Variants in YPEL1 observed in about 807,000 individuals in gnomAD.
YPEL1 encodes yippee like 1.
A neutral mutation model predicts 17.3 loss-of-function variants in YPEL1; 7 were observed. The ratio of observed to expected loss-of-function variants is 0.40; its 90% CI spans 0.23 to 0.76. The LOEUF (loss-of-function observed/expected upper bound fraction) is 0.76. Ranked by LOEUF, YPEL1 falls within the 30% of genes least tolerant of loss-of-function variation. The pLI is 0.35. For synonymous variants in YPEL1, 59 were observed against 59.6 expected (o/e 0.99, Z 0.05); for missense variants, 91 against 155.5 (o/e 0.59, Z 2.21).
chr22:21,725,295 A>G lies in YPEL1; in HGVS notation c.-165+10320T>C, dbSNP rs540256873. ...AGTGCAGTGGTGCAATCTCGGCTCAATGCAAGCTCCATCTCCCGGGTTCAT... is the reference window on the plus strand; with the variant it reads ...AGTGCAGTGGTGCAATCTCGGCTCAGTGCAAGCTCCATCTCCCGGGTTCAT... On this transcript the variant is annotated intron_variant, in intron 1 of 4. Coordinates refer to ENST00000339468, the MANE Select transcript of YPEL1 (RefSeq NM_013313.5). Among the ~76,000 whole-genome samples the G allele has an allele frequency of 4.5e-5, 6 of 132,208 alleles. No homozygotes were observed. The East Asian group carries it at 1.4e-3, about 31-fold the overall frequency. 86.7% of individuals were successfully genotyped at this position (132,208 alleles called of 152,430 possible).
intron 2 of YPEL1, among the ~76,000 whole-genome samples, chr22:21,704,834 CCT>C (rs934090508): frequency 1.3e-5 from 2 of 152,126 alleles, no homozygotes; most frequent in Admixed American, 6.6e-5. Flanking sequence ...ATCTGCACCC[CCT>C]GATGCACTTG....
At chr22:21,713,428 C>T (rs2068190359) in intron 1 of YPEL1, among the ~76,000 whole-genome samples, 1 of 152,164 alleles carries the variant, frequency 6.6e-6, no homozygotes, top group Non-Finnish European at 1.5e-5. Context: ...GGAATGTTAT[C>T]CAGCCTTTAA....
chr22:21,724,046 T>C (rs977037889), intron 1 of YPEL1, among the ~76,000 whole-genome samples: 4 of 152,096 alleles, frequency 2.6e-5, no homozygotes, highest in African/African-American at 7.2e-5. Flanking sequence ...GTACGTACCA[T>C]GTATGTCTTG....
chr22:21,728,135 C>A (rs1412170039), intron 1 of YPEL1, among the ~76,000 whole-genome samples: 1 of 152,166 alleles, frequency 6.6e-6, no homozygotes, highest in Non-Finnish European at 1.5e-5. Context: ...TCATGGTCCA[C>A]CTCTTTAGGG....
intron 1 of YPEL1, among the ~76,000 whole-genome samples, chr22:21,733,427 A>G (rs1374362056): frequency 2.0e-5 from 3 of 150,632 alleles, no homozygotes; most frequent in African/African-American, 7.4e-5. Context: ...CAAAAAATAA[A>G]CAAATAAAGT....
At chr22:21,734,724 G>T (rs573643543) in intron 1 of YPEL1, among the ~76,000 whole-genome samples, 1 of 152,300 alleles carries the variant, frequency 6.6e-6, no homozygotes, top group East Asian at 1.9e-4. Context: ...CTGGCACCTG[G>T]CAGGGGCTCA....
chr22:21,703,465 A>G lies in YPEL1; in HGVS notation c.175T>C (p.Cys59Arg). The G allele has an allele frequency of 3.7e-6, 6 of 1,610,270 alleles. No individual in the cohort carries two copies. The highest frequency in any genetic ancestry group is 5.1e-6 in the Non-Finnish European group (6 of 1,179,882). Reference protein sequence around the residue: ...YLFNSVVNVGCGPAEERVLLT... With the variant: ...YLFNSVVNVGRGPAEERVLLT... Reference sequence around the variant, plus strand: ...AGGACCCTCTCCTCTGCAGGGCCGCAGCCCACGTTCACCCTGCGGGGACAG... The same window carrying G: ...AGGACCCTCTCCTCTGCAGGGCCGCGGCCCACGTTCACCCTGCGGGGACAG... The change falls in exon 4 of 5, where the codon TGC (cysteine) becomes CGC (arginine). Residue 59 changes from cysteine (C) to arginine (R), a missense_variant. Coordinates refer to ENST00000339468, the MANE Select transcript of YPEL1 (RefSeq NM_013313.5). The surrounding 1 kb of genome is among the most constrained non-coding windows in gnomAD (Gnocchi z 6.1).
chr22:21,721,903 T>A (rs2068287591), intron 1 of YPEL1, among the ~76,000 whole-genome samples: 1 of 152,194 alleles, frequency 6.6e-6, no homozygotes, highest in South Asian at 2.1e-4. Flanking sequence ...CCCTGGCAGC[T>A]ACCATCCTGA....
At chr22:21,734,569 C>T (rs1354256558) in intron 1 of YPEL1, among the ~76,000 whole-genome samples, 1 of 152,130 alleles carries the variant, frequency 6.6e-6, no homozygotes, top group African/African-American at 2.4e-5. Context: ...GAGACTCTAC[C>T]CTGTAGGGCC....
At chr22:21,719,007 G>A (rs775218792) in intron 1 of YPEL1, among the ~76,000 whole-genome samples, 8 of 152,096 alleles carry the variant, frequency 5.3e-5, no homozygotes, top group East Asian at 1.9e-4. Flanking sequence ...CACATTTAGC[G>A]TTAACACAGT....
At chr22:21,733,310 G>C (rs540036233) in intron 1 of YPEL1, among the ~76,000 whole-genome samples, 1 of 151,912 alleles carries the variant, frequency 6.6e-6, no homozygotes, top group South Asian at 2.1e-4. Context: ...CCAGCTACTC[G>C]GGAGGCTGAG....
intron 1 of YPEL1, among the ~76,000 whole-genome samples, chr22:21,733,555 T>C (rs2068408897): frequency 6.6e-6 from 1 of 152,036 alleles, no homozygotes; most frequent in South Asian, 2.1e-4. Context: ...AGTGAGATCC[T>C]GTCTCTACAG....
At position 21,721,493 on chromosome 22, in the gene YPEL1, G is replaced by A. The variant is rs528145415; in HGVS notation, c.-164-10585C>T. On this transcript the variant is annotated intron_variant, in intron 1 of 4. Coordinates refer to ENST00000339468, the MANE Select transcript of YPEL1 (RefSeq NM_013313.5). ...GGCTGGAGTACAGTGGCGTGATCTT[G>A]GCTCACTGCAACCTCCACCTCCTGG... Among the ~76,000 whole-genome samples, 147 of 148,442 alleles carry A rather than the reference G, an allele frequency of 9.9e-4. 1 individual carries two copies. The highest frequency in any genetic ancestry group is 3.4e-3 in the African/African-American group (135 of 39,612).
In YPEL1 at chr22:21,700,676, T is replaced by C. The variant is rs2148592831; in HGVS notation, c.*453A>G. 6.5e-6 allele frequency: 1 copy of C among 154,722 alleles called. No homozygotes were observed. The highest frequency in any genetic ancestry group is 2.0e-4 in the South Asian group (1 of 4,956). 9.6% of individuals were successfully genotyped at this position (154,722 alleles called of 1,614,324 possible). On this transcript the variant is annotated 3_prime_UTR_variant, in exon 5 of 5. Transcript: ENST00000339468. Reference sequence around the variant, plus strand: ...TTTTAGTAGAGATGGGGTTTCACCATGTTGGCCAGGCTGATCTAGAACTCC... The same window carrying C: ...TTTTAGTAGAGATGGGGTTTCACCACGTTGGCCAGGCTGATCTAGAACTCC...
Position 21,699,332 on chromosome 22 carries a change from C to T in YPEL1, c.*1797G>A, listed in dbSNP as rs78285452. Reference sequence around the variant, plus strand: ...CTCAGTGCTCTCCTATCTGCTGCCCCTCGGTCCCCCTGCCTGCCCTCTGCC... The same window carrying T: ...CTCAGTGCTCTCCTATCTGCTGCCCTTCGGTCCCCCTGCCTGCCCTCTGCC... On this transcript the variant is annotated 3_prime_UTR_variant, in exon 5 of 5. Coordinates refer to ENST00000339468, the MANE Select transcript of YPEL1 (RefSeq NM_013313.5). The T allele has an allele frequency of 7.0e-3, 1,064 of 152,860 alleles. 4 individuals are homozygous for T. The highest frequency in any genetic ancestry group is 0.015 in the Admixed American group (235 of 15,298). 9.5% of individuals were successfully genotyped at this position (152,860 alleles called of 1,614,324 possible).
At chr22:21,713,665 C>A (rs1163383194) in intron 1 of YPEL1, among the ~76,000 whole-genome samples, 1 of 152,050 alleles carries the variant, frequency 6.6e-6, no homozygotes, top group African/African-American at 2.4e-5. Flanking sequence ...GATGGCTGTA[C>A]AAAAATGTGA....
At position 21,703,799 on chromosome 22, in the gene YPEL1, G is replaced by A. The variant is rs752835511; in HGVS notation, c.161+40C>T. On this transcript the variant is annotated intron_variant, in intron 3 of 4. Transcript: ENST00000339468. The surrounding 1 kb of genome is among the most constrained non-coding windows in gnomAD (Gnocchi z 6.1). The stretch of plus-strand genomic sequence containing the variant: ...GTAGGTGCCATCCAGGCCGTCCCAG[G>A]GCCCGTGCCGCTCCCCCCGGGCTGA... 1 of 1,601,396 alleles carries A rather than the reference G, an allele frequency of 6.2e-7. No homozygotes were observed. Among genetic ancestry groups the A allele is most frequent in the Non-Finnish European group, 8.5e-7 (1 of 1,173,666 alleles).
In YPEL1 at chr22:21,703,318, C is replaced by G; in HGVS notation, c.270+52G>C. On this transcript the variant is annotated intron_variant, in intron 4 of 4. Coordinates refer to ENST00000339468, the MANE Select transcript of YPEL1 (RefSeq NM_013313.5). The surrounding 1 kb of genome is among the most constrained non-coding windows in gnomAD (Gnocchi z 6.1). ...TGCACGGGGAGGTGTGGCTCAGTGG[C>G]AACTTAGTGCCACATCCCCTTGTGG... The G allele has an allele frequency of 6.5e-7, 1 of 1,538,102 alleles. No homozygotes were observed. The highest frequency in any genetic ancestry group is 9.0e-7 in the Non-Finnish European group (1 of 1,115,146).
intron 1 of YPEL1, among the ~76,000 whole-genome samples, chr22:21,720,807 G>C (rs148382488): frequency 1.5e-5 from 2 of 137,148 alleles, no homozygotes. Context: ...ATGCCTGGCC[G>C]ATTTTGTTTT....
Sources: gnomAD v4.1 joint callset for allele counts (sites outside exome capture counted in the v4.1 genomes callset) on GRCh38, gnomAD v4.1.1 for gene constraint, Gnocchi (gnomAD v3.1) non-coding constraint, MANE v1.5 for transcripts, NCBI Gene and HGNC (gene_info 2026-07-23, HGNC 2026-07-21) for gene names.